Variants in PLEKHA3 observed in about 807,000 individuals in gnomAD.
PLEKHA3 encodes the protein pleckstrin homology domain-containing family A member 3.
Under a neutral mutation model 39.2 loss-of-function variants are expected in PLEKHA3, and 19 were observed. The ratio of observed to expected loss-of-function variants is 0.48; its 90% CI spans 0.34 to 0.71. The LOEUF is 0.71. Ranked by LOEUF, PLEKHA3 falls within the 30% of genes least tolerant of loss-of-function variation. The probability of loss-of-function intolerance (pLI) is 0.01; values close to 1 mark genes in which losing one functional copy is unlikely to be tolerated. For missense variants in PLEKHA3, 253 were observed against 359.5 expected, an observed-to-expected ratio of 0.70 and a Z score of 2.40; for synonymous variants, 97 against 118.6, an observed-to-expected ratio of 0.82 and a Z score of 1.18.
At chr2:178,492,454 T>TA (rs1685362471) in intron 3 of PLEKHA3, among the ~76,000 whole-genome samples, 1 of 116,374 alleles carries the variant, frequency 8.6e-6, no homozygotes, top group Non-Finnish European at 1.6e-5. Flanking sequence ...TTACAATAAG[T>TA]AAAAAAAGCT....
rs937605671 is a variant in PLEKHA3, at chr2:178,510,643, T to C, written c.*6756T>C. 4 of 153,802 alleles carry C rather than the reference T, an allele frequency of 2.6e-5. No individual in the cohort carries two copies. The highest frequency in any genetic ancestry group is 5.9e-5 in the Non-Finnish European group (4 of 68,046). 9.5% of individuals were successfully genotyped at this position (153,802 alleles called of 1,614,324 possible). On this transcript the variant is annotated 3_prime_UTR_variant, in exon 8 of 8. Transcript: ENST00000234453. Reference sequence around the variant, plus strand: ...CTTCCAAAGGACGTAGTGCTCTACATAGTGTTGGAAGCGAGAGACTGAGCC... The same window carrying C: ...CTTCCAAAGGACGTAGTGCTCTACACAGTGTTGGAAGCGAGAGACTGAGCC...
rs979016609 is a variant in PLEKHA3, at chr2:178,504,467, A to C, written c.*580A>C. On this transcript the variant is annotated 3_prime_UTR_variant, in exon 8 of 8. Transcript: ENST00000234453. ...CAGACTGTATTGTCCTTCATATGTG[A>C]AGTTGACACTACTGATTTGTCAATA... 2 of 152,432 alleles carry C rather than the reference A, an allele frequency of 1.3e-5. No individual in the cohort carries two copies. Among genetic ancestry groups the C allele is most frequent in the African/African-American group, 4.8e-5 (2 of 41,440 alleles). The allele number at this position is 152,432 out of a possible 1,614,324, so 9.4% of individuals were successfully genotyped here. A position where few individuals can be genotyped will look rare whatever the true frequency, so the allele number is the denominator to read the frequency against.
In PLEKHA3 at chr2:178,510,029, C is replaced by T. The variant is rs1685659619; in HGVS notation, c.*6142C>T. The T allele has an allele frequency of 6.6e-6, 1 of 152,178 alleles. No homozygotes were observed. Among genetic ancestry groups the T allele is most frequent in the African/African-American group, 2.4e-5 (1 of 41,426 alleles). 9.4% of individuals were successfully genotyped at this position (152,178 alleles called of 1,614,324 possible). ...GGCTAGGACTACAGGTGCTCGCCACCATGCCCAGCTAATTTTTGTATTTTT... is the reference window on the plus strand; with the variant it reads ...GGCTAGGACTACAGGTGCTCGCCACTATGCCCAGCTAATTTTTGTATTTTT... On this transcript the variant is annotated 3_prime_UTR_variant, in exon 8 of 8. Coordinates refer to ENST00000234453, the MANE Select transcript of PLEKHA3 (RefSeq NM_019091.4).
In PLEKHA3 at chr2:178,514,151, CACTT is replaced by C. The variant is rs1433656695; in HGVS notation, c.*10268_*10271del. The C allele has an allele frequency of 1.3e-5, 2 of 149,364 alleles. No individual in the cohort carries two copies. The highest frequency in any genetic ancestry group is 4.9e-5 in the African/African-American group (2 of 40,764). The allele number at this position is 149,364 out of a possible 1,614,324, so 9.3% of individuals were successfully genotyped here. A position where few individuals can be genotyped will look rare whatever the true frequency, so the allele number is the denominator to read the frequency against. ...AAAAGTGTGTAGCAATAAGTACGCACACTTACTGTGGTTTACCATCATGACCATG... is the reference window on the plus strand; with the variant it reads ...AAAAGTGTGTAGCAATAAGTACGCACACTGTGGTTTACCATCATGACCATG... On this transcript the variant is annotated 3_prime_UTR_variant, in exon 8 of 8. Transcript: ENST00000234453.
chr2:178,508,546 A>T lies in PLEKHA3; in HGVS notation c.*4659A>T, dbSNP rs866958613. On this transcript the variant is annotated 3_prime_UTR_variant, in exon 8 of 8. Transcript: ENST00000234453. ...AGTCATGTATTAAAAAGCTAATGTCATAGGTCTTTATATGTGGGCAGGGTT... is the reference window on the plus strand; with the variant it reads ...AGTCATGTATTAAAAAGCTAATGTCTTAGGTCTTTATATGTGGGCAGGGTT... 1 of 153,440 alleles carries T rather than the reference A, an allele frequency of 6.5e-6. No homozygotes were observed. The highest frequency in any genetic ancestry group is 1.5e-5 in the Non-Finnish European group (1 of 68,026). The allele number at this position is 153,440 out of a possible 1,614,324, so 9.5% of individuals were successfully genotyped here.
chr2:178,505,092 T>C lies in PLEKHA3; in HGVS notation c.*1205T>C, dbSNP rs937884468. On this transcript the variant is annotated 3_prime_UTR_variant, in exon 8 of 8. Transcript: ENST00000234453. ...AATACATTGTATTTTTTACATTCAT[T>C]GATATTCTGTCTAATCTTTATTAGG... The C allele has an allele frequency of 1.3e-5, 2 of 152,424 alleles. No homozygotes were observed. Among genetic ancestry groups the C allele is most frequent in the African/African-American group, 4.8e-5 (2 of 41,442 alleles). The allele number at this position is 152,424 out of a possible 1,614,324, so 9.4% of individuals were successfully genotyped here.
At chr2:178,490,083 C>A (rs1685320225) in intron 2 of PLEKHA3, among the ~76,000 whole-genome samples, 2 of 152,156 alleles carry the variant, frequency 1.3e-5, no homozygotes, top group South Asian at 4.1e-4. Context: ...TCTCTTTTCT[C>A]AGAGCATCAA....
At chr2:178,486,166 G>C (rs1170067671) in intron 2 of PLEKHA3, among the ~76,000 whole-genome samples, 1 of 152,172 alleles carries the variant, frequency 6.6e-6, no homozygotes, top group Non-Finnish European at 1.5e-5. Context: ...TATGAAGTTG[G>C]AGTCATAAAC....
At chr2:178,481,050 CCTT>C (rs956047157) in intron 1 of PLEKHA3, 141 bp downstream of exon 1, 1 of 730,650 alleles carries the variant, frequency 1.4e-6, no homozygotes, top group Admixed American at 4.1e-5. Context: ...CTTGTTGAGT[CCTT>C]CTGGCCTCTT....
At chr2:178,482,559 A>AG (rs1355281318) in intron 1 of PLEKHA3, among the ~76,000 whole-genome samples, 2 of 148,912 alleles carry the variant, frequency 1.3e-5, no homozygotes, top group African/African-American at 5.2e-5. Context: ...TCTCAAAAAA[A>AG]AAAAAAAAAA....
At chr2:178,481,020 C>A in intron 1 of PLEKHA3, 111 bp downstream of exon 1, 2 of 1,006,528 alleles carry the variant, frequency 2.0e-6, no homozygotes, top group South Asian at 4.1e-5. Context: ...AGAGCGAATT[C>A]GCTCTACTCG....
Position 178,490,697 on chromosome 2 carries a change from C to T in PLEKHA3, c.196C>T (p.Pro66Ser), listed in dbSNP as rs1295537949. The T allele has an allele frequency of 1.2e-6, 2 of 1,613,832 alleles. No individual in the cohort carries two copies. The highest frequency in any genetic ancestry group is 2.7e-5 in the African/African-American group (2 of 74,920). ...ADNTRMELII[P>S]GEQHFYMKAV... ...CAACACAAGAATGGAATTAATCATT[C>T]CTGGAGAGCAGCATTTCTACATGAA... is the stretch of plus-strand genomic sequence containing the variant. The change falls in exon 3 of 8, where the codon CCT (proline) becomes TCT (serine). Residue 66 changes from proline (P) to serine (S), a missense_variant. Physicochemically the swap from Pro to Ser is moderately conservative, Grantham distance 74. Around this residue, in one of 2 missense-constraint regions of PLEKHA3, gnomAD observed 126 missense variants for 222.7 expected, o/e 0.57. Coordinates refer to ENST00000234453, the MANE Select transcript of PLEKHA3 (RefSeq NM_019091.4).
intron 2 of PLEKHA3, 117 bp from the exon 3 acceptor site, chr2:178,490,542 G>A (rs377388724): frequency 1.7e-5 from 18 of 1,061,150 alleles, no homozygotes; most frequent in African/African-American, 4.9e-5. Flanking sequence ...CATCATGAAT[G>A]ATAGTTCAAT....
In PLEKHA3 at chr2:178,504,734, GC is replaced by G. The variant is rs1315688803; in HGVS notation, c.*848del. The G allele has an allele frequency of 2.6e-5, 4 of 152,234 alleles. No homozygotes were observed. The highest frequency in any genetic ancestry group is 4.4e-5 in the Non-Finnish European group (3 of 67,826). 9.4% of individuals were successfully genotyped at this position (152,234 alleles called of 1,614,324 possible). A position where few individuals can be genotyped will look rare whatever the true frequency, so the allele number is the denominator to read the frequency against. The stretch of plus-strand genomic sequence containing the variant: ...TTTTTCCTAAAATAGATATTAAGCT[GC>G]TGTTGTAAAGTATTGTTTGCAGCTC... On this transcript the variant is annotated 3_prime_UTR_variant, in exon 8 of 8. Coordinates refer to ENST00000234453, the MANE Select transcript of PLEKHA3 (RefSeq NM_019091.4).
At chr2:178,495,776 C>T (rs1685432690) in intron 5 of PLEKHA3, 116 bp downstream of exon 5, 1 of 1,141,840 alleles carries the variant, frequency 8.8e-7, no homozygotes, top group Admixed American at 2.4e-5. Flanking sequence ...CGGGGAACAG[C>T]TAACAAGTTG....
chr2:178,492,244 T>G (rs1382979942), intron 3 of PLEKHA3, among the ~76,000 whole-genome samples: 3 of 152,090 alleles, frequency 2.0e-5, no homozygotes, highest in South Asian at 2.1e-4. Flanking sequence ...TTTATAACAA[T>G]TTTGAAATAT....
rs994669023 is a variant in PLEKHA3, at chr2:178,507,661, T to G, written c.*3774T>G. The G allele has an allele frequency of 2.7e-5, 2 of 73,600 alleles. No homozygotes were observed. Among genetic ancestry groups the G allele is most frequent in the East Asian group, 2.7e-3 (1 of 376 alleles). 4.6% of individuals were successfully genotyped at this position (73,600 alleles called of 1,614,324 possible). A position where few individuals can be genotyped will look rare whatever the true frequency, so the allele number is the denominator to read the frequency against. On this transcript the variant is annotated 3_prime_UTR_variant, in exon 8 of 8. Coordinates refer to ENST00000234453, the MANE Select transcript of PLEKHA3 (RefSeq NM_019091.4). ...TTAGTTTTTAGTCTCACATTAGGTT[T>G]TTTTTTTTTTTTTTTTTTTTTTTTT...
intron 3 of PLEKHA3, among the ~76,000 whole-genome samples, chr2:178,491,870 G>A (rs58506841): frequency 0.05 from 7,643 of 152,158 alleles, 452 homozygotes; most frequent in East Asian, 0.26. Context: ...AAGGGAAAGC[G>A]GGTGTGTGCG....
At chr2:178,496,926 C>T (rs1685459310) in intron 5 of PLEKHA3, among the ~76,000 whole-genome samples, 1 of 151,972 alleles carries the variant, frequency 6.6e-6, no homozygotes, top group African/African-American at 2.4e-5. Flanking sequence ...AAGCTGGTCT[C>T]AAACTCCTGG....
Sources: allele counts gnomAD v4.1 joint callset (sites outside exome capture counted in the v4.1 genomes callset), GRCh38; gene constraint gnomAD v4.1.1; regional missense constraint gnomAD v4.1.1; transcripts MANE v1.5; gene names NCBI Gene and HGNC (gene_info 2026-07-23, HGNC 2026-07-21).